ADAMTS20: variants seen among roughly 807,000 people sequenced by gnomAD.
The protein encoded by ADAMTS20 is A disintegrin and metalloproteinase with thrombospondin motifs 20.
A neutral mutation model predicts 260.1 loss-of-function variants in ADAMTS20; 225 were observed. The observed-to-expected ratio is 0.87, with a 90% CI of 0.78 to 0.97. The LOEUF is 0.97. Among genes scored for constraint, ADAMTS20 ranks in the 50% least tolerant of loss-of-function variants. The pLI is 0.00. For synonymous variants in ADAMTS20, 802 were observed against 769.5 expected, an observed-to-expected ratio of 1.04 and a Z score of -0.70; for missense variants, 2,400 against 2,337.7, an observed-to-expected ratio of 1.03 and a Z score of -0.55.
At position 43,383,655 on chromosome 12, in the gene ADAMTS20, T is replaced by C. The variant is rs766878992; in HGVS notation, c.4700A>G (p.Asn1567Ser). ...GGTTGAAGAATTATAGACTATTTCA[T>C]TCACTTGTCTGATTTGGTTATCTGT... Reference protein sequence around the residue: ...ECTDNQIRQVNEIVYNSSTIS... With the variant: ...ECTDNQIRQVSEIVYNSSTIS... Residue 1567 changes from asparagine to serine, a missense_variant, in exon 31 of 39, where the codon AAT (asparagine) becomes AGT (serine). By Grantham distance (46) the Asn-to-Ser change is conservative. Transcript: ENST00000389420. 9 of 1,613,810 alleles carry C rather than the reference T, an allele frequency of 5.6e-6. No homozygotes were observed. The highest frequency in any genetic ancestry group is 7.6e-6 in the Non-Finnish European group (9 of 1,179,870).
chr12:43,514,369 C>G (rs1420166223), intron 3 of ADAMTS20, among the ~76,000 whole-genome samples: 1 of 151,618 alleles, frequency 6.6e-6, no homozygotes, highest in African/African-American at 2.4e-5. Flanking sequence ...TCGAGACCAT[C>G]CTGGCCAACA....
chr12:43,376,432 T>G, intron 33 of ADAMTS20, 92 bp downstream of exon 33: 2 of 1,466,724 alleles, frequency 1.4e-6, no homozygotes, highest in Non-Finnish European at 1.8e-6. Context: ...TGACACTTTG[T>G]TTTGTGGAGT....
chr12:43,428,802 T>G lies in ADAMTS20; in HGVS notation c.3490-3A>C. Reference sequence around the variant, plus strand: ...CCTCTTCCACAAGATACGGAGCACTTTTTAAGAAATCAAATTGTATCCGGG... The same window carrying G: ...CCTCTTCCACAAGATACGGAGCACTGTTTAAGAAATCAAATTGTATCCGGG... On this transcript the variant is annotated splice_region_variant and splice_polypyrimidine_tract_variant and intron_variant, in intron 24 of 38. Transcript: ENST00000389420. 2 of 1,600,368 alleles carry G rather than the reference T, an allele frequency of 1.2e-6. No homozygotes were observed. The highest frequency in any genetic ancestry group is 2.7e-5 in the African/African-American group (2 of 74,646).
intron 3 of ADAMTS20, among the ~76,000 whole-genome samples, chr12:43,528,929 C>G (rs1180879679): frequency 6.6e-6 from 1 of 151,942 alleles, no homozygotes; most frequent in Non-Finnish European, 1.5e-5. Context: ...TATCCAAAAT[C>G]TACAAGAAAC....
rs1407170013 is a variant in ADAMTS20, at chr12:43,462,784, G to A, written c.1614+111C>T. 4.2e-5 allele frequency: 32 copies of A among 763,330 alleles called. 1 individual carries two copies. The highest frequency in any genetic ancestry group is 5.5e-5 in the East Asian group (2 of 36,428). The allele number at this position is 763,330 out of a possible 1,614,324, so 47.3% of individuals were successfully genotyped here. A position where few individuals can be genotyped will look rare whatever the true frequency, so the allele number is the denominator to read the frequency against. ...ACAAACATGGCAATAACATTAATTC[G>A]ACTAGCTGAAGAAAAGTTGACAGCA... On this transcript the variant is annotated intron_variant, in intron 11 of 38. Coordinates refer to ENST00000389420, the MANE Select transcript of ADAMTS20 (RefSeq NM_025003.5).
At chr12:43,468,842 C>T (rs762501172) in intron 7 of ADAMTS20, 137 bp from the exon 8 acceptor site, 14 of 522,112 alleles carry the variant, frequency 2.7e-5, no homozygotes, top group Non-Finnish European at 3.3e-5. Flanking sequence ...ATTGAATAAA[C>T]GTTTTAAAAG....
chr12:43,383,827 C>T lies in ADAMTS20; in HGVS notation c.4603G>A (p.Gly1535Arg), dbSNP rs117455456. The stretch of plus-strand genomic sequence containing the variant: ...ACATTCAGCCTCCCTCTTTCCATCC[C>T]CTTGTGCTGCACACAGTCCTGACTC... ...CWSQDCVQHK[G>R]MERGRLNCST... Residue 1535 changes from glycine to arginine, a missense_variant, in exon 30 of 39, where the codon GGG becomes AGG. Gly to Arg is a moderately radical substitution (Grantham distance 125, BLOSUM62 -2). Transcript: ENST00000389420. 3 of 1,613,714 alleles carry T rather than the reference C, an allele frequency of 1.9e-6. No homozygotes were observed. Among genetic ancestry groups the T allele is most frequent in the African/African-American group, 1.3e-5 (1 of 74,894 alleles).
Position 43,371,905 on chromosome 12 carries a change from AG to A in ADAMTS20, c.5447-2525del, listed in dbSNP as rs545572132. On this transcript the variant is annotated intron_variant, in intron 36 of 38. Transcript: ENST00000389420. ...TGAATTACATGTGGGTGTGGAAGAA[AG>A]GTAGAAGTTGAAGATGTTGCTAGGT... Among the ~76,000 whole-genome samples, 112 of 152,358 alleles carry A rather than the reference AG, an allele frequency of 7.4e-4. 1 individual carries two copies. Among genetic ancestry groups the A allele is most frequent in the African/African-American group, 2.6e-3 (109 of 41,580 alleles).
chr12:43,362,364 A>G (rs1258532231), intron 37 of ADAMTS20, among the ~76,000 whole-genome samples: 1 of 152,220 alleles, frequency 6.6e-6, no homozygotes, highest in African/African-American at 2.4e-5. Flanking sequence ...AATGGAAAGT[A>G]GTAGGTCAGA....
intron 3 of ADAMTS20, among the ~76,000 whole-genome samples, chr12:43,523,591 C>T (rs1460968057): frequency 1.3e-5 from 2 of 152,082 alleles, no homozygotes; most frequent in African/African-American, 4.8e-5. Flanking sequence ...CTTGCTGCTG[C>T]TAGCAGAAAA....
intron 28 of ADAMTS20, among the ~76,000 whole-genome samples, chr12:43,403,614 G>C (rs1026091430): frequency 6.6e-6 from 1 of 151,822 alleles, no homozygotes; most frequent in Non-Finnish European, 1.5e-5. Flanking sequence ...TCTGGGTAAA[G>C]GTAAGATGAA....
intron 29 of ADAMTS20, among the ~76,000 whole-genome samples, chr12:43,385,524 A>G (rs1409240494): frequency 3.9e-5 from 6 of 152,206 alleles, no homozygotes; most frequent in South Asian, 2.1e-4. Flanking sequence ...GTCTTTGCCC[A>G]TGCCTATGTC....
intron 3 of ADAMTS20, among the ~76,000 whole-genome samples, chr12:43,504,731 A>T (rs1942817494): frequency 6.6e-6 from 1 of 152,246 alleles, no homozygotes; most frequent in African/African-American, 2.4e-5. Context: ...CTTACACTCT[A>T]GTTGAAAGAG....
chr12:43,373,792 G>GC (rs1266964772), intron 36 of ADAMTS20, among the ~76,000 whole-genome samples: 1 of 142,112 alleles, frequency 7.0e-6, no homozygotes, highest in Non-Finnish European at 1.5e-5. Context: ...CCATTCTCCT[G>GC]CCTCAGCCTC....
At position 43,437,665 on chromosome 12, in the gene ADAMTS20, G is replaced by A. The variant is rs1941582411; in HGVS notation, c.2593+1957C>T. ...AGTTATGTCATTTTCAGATATGAAA[G>A]GTCTCAAAAATATTCTCTTCTCAAG... is the stretch of plus-strand genomic sequence containing the variant. On this transcript the variant is annotated intron_variant, in intron 18 of 38. Transcript: ENST00000389420. 2.0e-5 allele frequency among the ~76,000 whole-genome samples: 3 copies of A among 152,254 alleles called. No individual in the cohort carries two copies. The South Asian group carries it at 6.2e-4, about 32-fold the overall frequency.
At chr12:43,517,014 A>G (rs959197252) in intron 3 of ADAMTS20, among the ~76,000 whole-genome samples, 1 of 152,084 alleles carries the variant, frequency 6.6e-6, no homozygotes, top group Non-Finnish European at 1.5e-5. Context: ...AAAATTCAAC[A>G]TCCATTCATA....
intron 37 of ADAMTS20, among the ~76,000 whole-genome samples, chr12:43,358,658 G>A (rs1172546111): frequency 6.6e-6 from 1 of 151,524 alleles, no homozygotes; most frequent in Non-Finnish European, 1.5e-5. Flanking sequence ...CTAACACGGT[G>A]AAACCCCGTC....
At chr12:43,437,292 G>T (rs1941575615) in intron 18 of ADAMTS20, among the ~76,000 whole-genome samples, 1 of 152,080 alleles carries the variant, frequency 6.6e-6, no homozygotes, top group African/African-American at 2.4e-5. Context: ...TATCAGTTTA[G>T]GAATGTGAAC....
intron 38 of ADAMTS20, among the ~76,000 whole-genome samples, chr12:43,355,392 T>G (rs914617182): frequency 2.0e-5 from 3 of 152,226 alleles, no homozygotes; most frequent in African/African-American, 7.2e-5. Flanking sequence ...GAACTAGTTA[T>G]GTGCAACATT....
Sources: gnomAD v4.1 joint callset for allele counts (sites outside exome capture counted in the v4.1 genomes callset) on GRCh38, gnomAD v4.1.1 for gene constraint, MANE v1.5 for transcripts, NCBI Gene and HGNC (gene_info 2026-07-23, HGNC 2026-07-21) for gene names.